Variants in PDE4D observed in about 807,000 individuals in gnomAD.
The protein encoded by PDE4D is 3',5'-cyclic-AMP phosphodiesterase 4D.
Under a neutral mutation model 87.4 loss-of-function variants are expected in PDE4D, and 24 were observed. The ratio of observed to expected loss-of-function variants is 0.27; its 90% CI spans 0.20 to 0.39. The LOEUF (loss-of-function observed/expected upper bound fraction) is 0.39. Among genes scored for constraint, PDE4D ranks in the 10% least tolerant of loss-of-function variants. PDE4D has a pLI of 1.00. For missense variants in PDE4D, 714 were observed against 1,041.0 expected (o/e 0.69, Z 4.32); for synonymous variants, 384 against 383.2 (o/e 1.00, Z -0.02).
At chr5:59,157,096 G>T in intron 5 of PDE4D, 3 of 389,056 alleles carry the variant, frequency 7.7e-6, no homozygotes, top group East Asian at 3.8e-5. Flanking sequence ...TATACTTTTT[G>T]TGAGAAAATG....
At chr5:60,359,855 C>T (rs1466831365) in intron 1 of PDE4D, among the ~76,000 whole-genome samples, 1 of 152,176 alleles carries the variant, frequency 6.6e-6, no homozygotes, top group East Asian at 1.9e-4. Flanking sequence ...AAACACACGC[C>T]TTCTCCCATG....
intron 1 of PDE4D, among the ~76,000 whole-genome samples, chr5:60,413,033 T>C (rs1411073179): frequency 6.6e-6 from 1 of 152,210 alleles, no homozygotes; most frequent in Non-Finnish European, 1.5e-5. Context: ...CATTATATAG[T>C]TGAAGTCATG....
At chr5:59,363,169 T>C (rs1213408325) in intron 1 of PDE4D, among the ~76,000 whole-genome samples, 2 of 152,230 alleles carry the variant, frequency 1.3e-5, no homozygotes, top group East Asian at 3.8e-4. Flanking sequence ...TCTTATCCAT[T>C]TGGTTCTCAT....
intron 1 of PDE4D, among the ~76,000 whole-genome samples, chr5:59,653,939 C>T (rs1395038541): frequency 6.6e-6 from 1 of 150,574 alleles, no homozygotes; most frequent in East Asian, 2.0e-4. Context: ...GGTGTGGTGG[C>T]TCACCCCTAT....
chr5:60,231,487 A>C (rs759688809), intron 1 of PDE4D, among the ~76,000 whole-genome samples: 1 of 151,946 alleles, frequency 6.6e-6, no homozygotes, highest in African/African-American at 2.4e-5. Flanking sequence ...GATCTTAATG[A>C]TATTTTTCTA....
At chr5:59,427,302 C>G (rs1368202194) in intron 1 of PDE4D, among the ~76,000 whole-genome samples, 1 of 140,842 alleles carries the variant, frequency 7.1e-6, no homozygotes, top group Admixed American at 7.0e-5. Context: ...TACACACACA[C>G]ACACACACAC....
chr5:60,354,746 T>C lies in PDE4D; in HGVS notation c.-90+133196A>G, dbSNP rs531114423. ...TGGCTCAAATAAATTTTTTTCAATG[T>C]AATTGGTCTCTGGGTTAGTTTTCAT... On this transcript the variant is annotated intron_variant, in intron 1 of 16. Coordinates refer to the PDE4D transcript ENST00000502484. Among the ~76,000 whole-genome samples the C allele has an allele frequency of 1.9e-4, 29 of 152,304 alleles. 1 individual carries two copies. Among genetic ancestry groups the C allele is most frequent in the Admixed American group, 1.6e-3 (24 of 15,284 alleles).
intron 1 of PDE4D, among the ~76,000 whole-genome samples, chr5:60,416,396 T>TTGGGTCCA (rs1458593694): frequency 1.3e-5 from 2 of 152,182 alleles, no homozygotes; most frequent in East Asian, 3.9e-4. Context: ...TGCTCACTCT[T>TTGGGTCCA]TGGGTCCACA....
At chr5:60,023,689 T>A (rs866424576) in intron 2 of PDE4D, among the ~76,000 whole-genome samples, 2 of 152,186 alleles carry the variant, frequency 1.3e-5, no homozygotes, top group African/African-American at 4.8e-5. Flanking sequence ...ACTAGTTGCA[T>A]TATAAGGCTG....
intron 1 of PDE4D, chr5:60,185,701 G>A (rs921807352): frequency 1.6e-5 from 11 of 684,854 alleles, no homozygotes; most frequent in Non-Finnish European, 2.8e-5. Context: ...AAAAGAAAAG[G>A]AAGGAAATGT....
At chr5:59,620,352 TGAG>T (rs1387157112) in intron 1 of PDE4D, among the ~76,000 whole-genome samples, 1 of 152,168 alleles carries the variant, frequency 6.6e-6, no homozygotes, top group African/African-American at 2.4e-5. Flanking sequence ...TTTGGGTTTA[TGAG>T]GAGAACAATG....
At chr5:59,373,087 G>C (rs753581373) in intron 1 of PDE4D, among the ~76,000 whole-genome samples, 9 of 151,940 alleles carry the variant, frequency 5.9e-5, no homozygotes, top group African/African-American at 9.7e-5. Context: ...GAAAGAATCA[G>C]CACAAGAACC....
intron 1 of PDE4D, among the ~76,000 whole-genome samples, chr5:60,473,941 T>A (rs962703934): frequency 1.3e-4 from 19 of 150,404 alleles, no homozygotes; most frequent in African/African-American, 4.4e-4. Context: ...AACAACCTTT[T>A]TTTCCTAAAG....
In PDE4D at chr5:59,413,412, C is replaced by T. The variant is rs970931487; in HGVS notation, c.456-197444G>A. ...GGCAGAGCTTGCAGTGAGCCGAGAT[C>T]GCGCCACTACACTCCAGCCTGGGTG... On this transcript the variant is annotated intron_variant, in intron 1 of 14. Transcript: ENST00000340635. Among the ~76,000 whole-genome samples the T allele has an allele frequency of 8.5e-5, 12 of 140,718 alleles. No homozygotes were observed. In the South Asian group the frequency reaches 9.0e-4, roughly 11 times the overall value. The allele number at this position is 140,718 out of a possible 152,430, so 92.3% of individuals were successfully genotyped here. A position where few individuals can be genotyped will look rare whatever the true frequency, so the allele number is the denominator to read the frequency against.
At chr5:60,118,772 C>G (rs1426744261) in intron 2 of PDE4D, among the ~76,000 whole-genome samples, 1 of 152,108 alleles carries the variant, frequency 6.6e-6, no homozygotes, top group African/African-American at 2.4e-5. Flanking sequence ...GCATTATCAT[C>G]TTCAAGAGTG....
At chr5:58,982,087 A>T (rs894292106) in intron 11 of PDE4D, among the ~76,000 whole-genome samples, 2 of 152,122 alleles carry the variant, frequency 1.3e-5, no homozygotes, top group Non-Finnish European at 2.9e-5. Flanking sequence ...TGAAACTAAG[A>T]CCTCTAGCTA....
intron 1 of PDE4D, among the ~76,000 whole-genome samples, chr5:59,771,458 A>AG (rs1491473983): frequency 6.1e-4 from 48 of 78,920 alleles, no homozygotes; most frequent in African/African-American, 2.7e-3. Context: ...AGAAAGAAAG[A>AG]AAGAAAGAAA....
At chr5:59,539,345 C>T (rs1221944229) in intron 1 of PDE4D, among the ~76,000 whole-genome samples, 3 of 152,154 alleles carry the variant, frequency 2.0e-5, no homozygotes, top group Admixed American at 6.6e-5. Context: ...TGTCTTATTA[C>T]AACGTACCTC....
chr5:59,185,221 T>C lies in PDE4D; in HGVS notation c.726A>G (p.Ala242=). 3 of 1,612,980 alleles carry C rather than the reference T, an allele frequency of 1.9e-6. No individual in the cohort carries two copies. The highest frequency in any genetic ancestry group is 1.1e-5 in the South Asian group (1 of 90,984). The change falls in exon 4 of 15, where the codon GCA becomes GCG. Residue 242 remains alanine, a synonymous_variant. Coordinates refer to ENST00000340635, the MANE Select transcript of PDE4D (RefSeq NM_001104631.2). Reference sequence around the variant, plus strand: ...GTGCTCGATCTTGCAAATTAGTTAATGCAGCAAAGTTGTTTCGTACAGTTC... The same window carrying C: ...GTGCTCGATCTTGCAAATTAGTTAACGCAGCAAAGTTGTTTCGTACAGTTC... ...SLRTVRNNFA[A]LTNLQDRAPS...
Sources: gnomAD v4.1 joint callset for allele counts (sites outside exome capture counted in the v4.1 genomes callset) on GRCh38, gnomAD v4.1.1 for gene constraint, MANE v1.5 for transcripts, NCBI Gene and HGNC (gene_info 2026-07-23, HGNC 2026-07-21) for gene names.